The following IRAK1BP1 variants were observed in gnomAD, a reference collection of about 807,000 sequenced individuals.
IRAK1BP1 encodes the protein interleukin-1 receptor-associated kinase 1-binding protein 1.
A neutral mutation model predicts 28.0 loss-of-function variants in IRAK1BP1; 24 were observed. The observed-to-expected ratio is 0.86, with a 90% confidence interval of 0.62 to 1.20. The LOEUF is 1.20. IRAK1BP1 is among the 50% of genes most tolerant of loss of function. IRAK1BP1 has a pLI of 0.00. For missense variants in IRAK1BP1, 336 were observed against 316.7 expected (o/e 1.06, Z -0.46); for synonymous variants, 131 against 116.3 (o/e 1.13, Z -0.81).
At chr6:78,940,626 C>A (rs1773454323) in intron 4 of IRAK1BP1, 2 of 723,676 alleles carry the variant, frequency 2.8e-6, no homozygotes, top group Non-Finnish European at 4.0e-6. Flanking sequence ...AAGCAGAAGC[C>A]TTAGTTCTAC....
At chr6:78,960,797 A>C in the IRAK1BP1 span, among the ~76,000 whole-genome samples, 1 of 152,254 alleles carries the variant, frequency 6.6e-6, no homozygotes, top group East Asian at 1.9e-4. Context: ...ATAGCCCCTC[A>C]CAATGAGATA....
the IRAK1BP1 span, among the ~76,000 whole-genome samples, chr6:78,971,785 C>T: frequency 6.6e-6 from 1 of 152,146 alleles, no homozygotes; most frequent in Non-Finnish European, 1.5e-5. Flanking sequence ...CCTGGAAAAT[C>T]GGGTCACTCC....
the IRAK1BP1 span, chr6:78,958,390 A>AT: frequency 1.1e-6 from 1 of 891,382 alleles, no homozygotes; most frequent in South Asian, 1.6e-5. Context: ...TCTTCTTTAC[A>AT]AACAGTATGT....
chr6:78,939,280 A>T (rs189814819), intron 4 of IRAK1BP1: 1 of 151,884 alleles, frequency 6.6e-6, no homozygotes, highest in Non-Finnish European at 1.5e-5. Flanking sequence ...TGATGCAAAA[A>T]ATAATAGAAT....
At chr6:78,956,976 A>C in the IRAK1BP1 span, 1 of 152,080 alleles carries the variant, frequency 6.6e-6, no homozygotes, top group Non-Finnish European at 1.5e-5. Context: ...ACTCAATTAA[A>C]AAGTATAATA....
rs1772153552 is a variant in IRAK1BP1 at position 78,902,878 on chromosome 6, C to T, written c.*4544C>T. On this transcript the variant is annotated 3_prime_UTR_variant, in exon 4 of 4. Coordinates refer to ENST00000369940, the MANE Select transcript of IRAK1BP1 (RefSeq NM_001010844.4). ...CACAGTGGGTAATTCAAATCAGACA[C>T]TGCTCTTCAAGAGAGGTAATATTAA... 1.6e-6 allele frequency: 1 copy of T among 628,862 alleles called. No homozygotes were observed. The highest frequency in any genetic ancestry group is 1.8e-5 in the African/African-American group (1 of 54,524). 39.0% of individuals were successfully genotyped at this position (628,862 alleles called of 1,614,324 possible).
intron 4 of IRAK1BP1, among the ~76,000 whole-genome samples, chr6:78,919,193 CA>C (rs1385448936): frequency 1.3e-5 from 2 of 151,790 alleles, no homozygotes; most frequent in African/African-American, 2.4e-5. Flanking sequence ...TGAGATGCAA[CA>C]AAGGCAAGGT....
chr6:78,978,657 G>C, the IRAK1BP1 span: 1 of 1,595,484 alleles, frequency 6.3e-7, no homozygotes, highest in Non-Finnish European at 8.6e-7. Context: ...CATGTTGATG[G>C]CAACCATTCT....
At chr6:78,910,529 T>C (rs1458971883) in intron 4 of IRAK1BP1, among the ~76,000 whole-genome samples, 1 of 152,254 alleles carries the variant, frequency 6.6e-6, no homozygotes, top group East Asian at 1.9e-4. Flanking sequence ...TGACGAATTA[T>C]ACAACGTAGA....
chr6:78,881,122 T>C (rs980867709), intron 1 of IRAK1BP1, among the ~76,000 whole-genome samples: 1 of 152,178 alleles, frequency 6.6e-6, no homozygotes, highest in African/African-American at 2.4e-5. Context: ...GCAGCCAAGA[T>C]GTCTTTCAGC....
chr6:78,905,385 T>C (rs1772235300), downstream of IRAK1BP1, among the ~76,000 whole-genome samples: 1 of 152,294 alleles, frequency 6.6e-6, no homozygotes, highest in Admixed American at 6.5e-5. Flanking sequence ...ACTGTAGCCC[T>C]GATGACAGGA....
At chr6:78,962,184 C>G in the IRAK1BP1 span, among the ~76,000 whole-genome samples, 3 of 152,078 alleles carry the variant, frequency 2.0e-5, no homozygotes, top group African/African-American at 7.2e-5. Context: ...CAAATCTAAC[C>G]TTTGACTTTC....
In IRAK1BP1 at chr6:78,898,993, A is replaced by G. The variant is rs1237613794; in HGVS notation, c.*659A>G. The G allele has an allele frequency of 1.3e-5, 2 of 152,192 alleles. No individual in the cohort carries two copies. The highest frequency in any genetic ancestry group is 1.9e-4 in the East Asian group (1 of 5,196). The allele number at this position is 152,192 out of a possible 1,614,324, so 9.4% of individuals were successfully genotyped here. A position where few individuals can be genotyped will look rare whatever the true frequency, so the allele number is the denominator to read the frequency against. On this transcript the variant is annotated 3_prime_UTR_variant, in exon 4 of 4. Transcript: ENST00000369940. ...ACAAAGGACTATTACTCATGGCACAACAAGGAGCATGAGCATCAGCACATT... is the reference window on the plus strand; with the variant it reads ...ACAAAGGACTATTACTCATGGCACAGCAAGGAGCATGAGCATCAGCACATT...
chr6:78,895,095 T>C (rs569102982), intron 2 of IRAK1BP1, among the ~76,000 whole-genome samples: 29 of 149,220 alleles, frequency 1.9e-4, no homozygotes, highest in Middle Eastern at 3.4e-3. Context: ...CCTGGGCAAC[T>C]GAGCAAGACT....
intron 4 of IRAK1BP1, among the ~76,000 whole-genome samples, chr6:78,925,762 C>CATA (rs769176399): frequency 3.9e-5 from 6 of 151,988 alleles, no homozygotes; most frequent in Non-Finnish European, 8.8e-5. Context: ...CAGCAGTATT[C>CATA]ATAATAGGAA....
intron 1 of IRAK1BP1, among the ~76,000 whole-genome samples, chr6:78,872,319 T>C (rs1770821558): frequency 2.0e-5 from 3 of 152,174 alleles, no homozygotes. Flanking sequence ...ATCTTTGTCT[T>C]AGGATATGTT....
At chr6:78,950,759 C>G (rs552645781), downstream of IRAK1BP1, among the ~76,000 whole-genome samples, 4 of 152,162 alleles carry the variant, frequency 2.6e-5, no homozygotes, top group East Asian at 7.7e-4. Context: ...TTAACAGAGG[C>G]TTGTCAATTC....
rs1771982465 is a variant in IRAK1BP1, at chr6:78,898,443, T to TATATATATATATATA, written c.*111_*112insATATATATATATAAT. The TATATATATATATATA allele has an allele frequency of 5.9e-6, 1 of 168,784 alleles. No individual in the cohort carries two copies. The highest frequency in any genetic ancestry group is 1.2e-5 in the Non-Finnish European group (1 of 86,134). 10.5% of individuals were successfully genotyped at this position (168,784 alleles called of 1,614,324 possible). A position where few individuals can be genotyped will look rare whatever the true frequency, so the allele number is the denominator to read the frequency against. ...ATATATATATATATATATATATATA[T>TATATATATATATATA]ATGGTATAGGAGATAAGCTATTTCT... On this transcript the variant is annotated 3_prime_UTR_variant, in exon 4 of 4. Transcript: ENST00000369940.
At chr6:78,947,697 G>A, downstream of IRAK1BP1, 1 of 1,559,570 alleles carries the variant, frequency 6.4e-7, no homozygotes. Flanking sequence ...AACTCCATTG[G>A]TGACTCATAA....
Sources: gnomAD v4.1 joint callset for allele counts (sites outside exome capture counted in the v4.1 genomes callset) on GRCh38, gnomAD v4.1.1 for gene constraint, MANE v1.5 for transcripts, NCBI Gene and HGNC (gene_info 2026-07-23, HGNC 2026-07-21) for gene names.